WDR25: variants seen among roughly 807,000 people sequenced by gnomAD.
The protein encoded by WDR25 is WD repeat-containing protein 25.
In WDR25, 35 loss-of-function variants were observed where a neutral mutation model predicts 47.7. The observed-to-expected ratio is 0.73, with a 90% CI of 0.56 to 0.97. The LOEUF (loss-of-function observed/expected upper bound fraction) is 0.97. Ranked by LOEUF, WDR25 falls within the 50% of genes least tolerant of loss-of-function variation. The pLI is 0.00. For missense variants in WDR25, 634 were observed against 704.7 expected (o/e 0.90, Z 1.14); for synonymous variants, 248 against 278.9 (o/e 0.89, Z 1.10).
At chr14:100,382,682 A>G (rs1039086364) in intron 2 of WDR25, among the ~76,000 whole-genome samples, 2 of 152,198 alleles carry the variant, frequency 1.3e-5, no homozygotes, top group African/African-American at 4.8e-5. Flanking sequence ...CTCTCCTCGC[A>G]GCTAGCAAAG....
chr14:100,479,796 G>T (rs1900139115), intron 3 of WDR25, among the ~76,000 whole-genome samples: 1 of 152,120 alleles, frequency 6.6e-6, no homozygotes, highest in South Asian at 2.1e-4. Flanking sequence ...CAGTGGGTGA[G>T]TGAACATTCC....
chr14:100,383,448 C>G (rs1896950944), intron 2 of WDR25, among the ~76,000 whole-genome samples: 1 of 152,228 alleles, frequency 6.6e-6, no homozygotes, highest in Non-Finnish European at 1.5e-5. Flanking sequence ...TGGGCAGTGT[C>G]TGACTGGCCC....
chr14:100,457,549 A>G lies in WDR25; in HGVS notation c.823-10472A>G, dbSNP rs75408795. The stretch of plus-strand genomic sequence containing the variant: ...ATTTCGCCGTCAGCAAACTTGCGCT[A>G]TAAGACATGTTAATAAAGGGAGTCC... On this transcript the variant is annotated intron_variant, in intron 2 of 6. Coordinates refer to ENST00000402312, the MANE Select transcript of WDR25 (RefSeq NM_001161476.3). Among the ~76,000 whole-genome samples, 69 of 152,360 alleles carry G rather than the reference A, an allele frequency of 4.5e-4. 2 individuals are homozygous for G. In the East Asian group the frequency reaches 0.013, roughly 29 times the overall value.
intron 4 of WDR25, among the ~76,000 whole-genome samples, chr14:100,516,572 TG>T (rs1417038402): frequency 6.6e-6 from 1 of 152,208 alleles, no homozygotes; most frequent in Non-Finnish European, 1.5e-5. Flanking sequence ...TATTTAAGGT[TG>T]TTATGTCTGC....
chr14:100,417,842 G>T (rs1043005028), intron 2 of WDR25, among the ~76,000 whole-genome samples: 4 of 152,156 alleles, frequency 2.6e-5, no homozygotes, highest in Non-Finnish European at 1.5e-5. Flanking sequence ...TTGTGGACAG[G>T]CGTGTCATGC....
intron 2 of WDR25, among the ~76,000 whole-genome samples, chr14:100,397,132 C>G (rs1420453032): frequency 1.3e-5 from 2 of 152,204 alleles, no homozygotes; most frequent in Admixed American, 6.5e-5. Context: ...AAACACTTAA[C>G]GAGTTCAAAG....
intron 5 of WDR25, among the ~76,000 whole-genome samples, chr14:100,526,498 C>T (rs538729239): frequency 2.6e-5 from 4 of 152,210 alleles, no homozygotes; most frequent in African/African-American, 9.6e-5. Context: ...AGGCGGAGAG[C>T]CTTGGGCCTG....
chr14:100,450,884 C>T (rs1899007976), intron 2 of WDR25, among the ~76,000 whole-genome samples: 1 of 152,110 alleles, frequency 6.6e-6, no homozygotes, highest in Admixed American at 6.5e-5. Flanking sequence ...CATGCAACCC[C>T]AAAAGCACTT....
At chr14:100,435,573 C>A (rs1280015316) in intron 2 of WDR25, among the ~76,000 whole-genome samples, 1 of 152,144 alleles carries the variant, frequency 6.6e-6, no homozygotes, top group Non-Finnish European at 1.5e-5. Context: ...TGGAGAGAGC[C>A]CTGGCCTGGC....
chr14:100,389,168 A>G (rs1302332325), intron 2 of WDR25, among the ~76,000 whole-genome samples: 1 of 152,210 alleles, frequency 6.6e-6, no homozygotes, highest in East Asian at 1.9e-4. Flanking sequence ...TTTGGGAAAA[A>G]ATGCAAGAAA....
chr14:100,441,962 C>G (rs1192664718), intron 2 of WDR25, among the ~76,000 whole-genome samples: 1 of 152,164 alleles, frequency 6.6e-6, no homozygotes, highest in Non-Finnish European at 1.5e-5. Flanking sequence ...AGCAGTTGCT[C>G]AGGGTCACAC....
At chr14:100,456,799 G>C (rs538588453) in intron 2 of WDR25, among the ~76,000 whole-genome samples, 17 of 152,088 alleles carry the variant, frequency 1.1e-4, no homozygotes, top group South Asian at 8.3e-4. Flanking sequence ...CTCAAAGAAG[G>C]GTAGAACAGA....
intron 2 of WDR25, among the ~76,000 whole-genome samples, chr14:100,393,715 G>A (rs1027599457): frequency 6.6e-6 from 1 of 152,192 alleles, no homozygotes; most frequent in African/African-American, 2.4e-5. Flanking sequence ...GCCTGGAGGG[G>A]TGTAGTGCAG....
chr14:100,420,500 T>A (rs1235793838), intron 2 of WDR25, among the ~76,000 whole-genome samples: 3 of 152,210 alleles, frequency 2.0e-5, no homozygotes, highest in African/African-American at 7.2e-5. Flanking sequence ...TTTATTGTTG[T>A]TTTATAGGCA....
chr14:100,408,972 T>G (rs1897627597), intron 2 of WDR25, among the ~76,000 whole-genome samples: 1 of 152,222 alleles, frequency 6.6e-6, no homozygotes, highest in African/African-American at 2.4e-5. Flanking sequence ...AAAGGAGATG[T>G]GGAGCGCTAG....
intron 2 of WDR25, among the ~76,000 whole-genome samples, chr14:100,429,494 A>G (rs565931657): frequency 6.6e-6 from 1 of 152,272 alleles, no homozygotes; most frequent in Admixed American, 6.5e-5. Context: ...CCAAGACCCC[A>G]GTGGCTGGGG....
intron 2 of WDR25, among the ~76,000 whole-genome samples, chr14:100,393,767 G>T (rs139415920): frequency 1.8e-4 from 28 of 152,188 alleles, no homozygotes; most frequent in South Asian, 4.1e-4. Context: ...GTAGATGCAG[G>T]CATTGGGTCA....
intron 2 of WDR25, among the ~76,000 whole-genome samples, chr14:100,467,555 G>A (rs776373602): frequency 1.3e-5 from 2 of 152,186 alleles, no homozygotes; most frequent in Non-Finnish European, 2.9e-5. Flanking sequence ...GGGCAGTGGT[G>A]CAATCGTGAT....
At position 100,500,437 on chromosome 14, in the gene WDR25, G is replaced by A. The variant is rs572223375; in HGVS notation, c.1101+16313G>A. 2.0e-4 allele frequency among the ~76,000 whole-genome samples: 31 copies of A among 152,208 alleles called. No individual in the cohort carries two copies. The highest frequency in any genetic ancestry group is 3.8e-4 in the Non-Finnish European group (26 of 68,030). Reference sequence around the variant, plus strand: ...AAGGAGGGGTGGGGATGGTCAGATGGAGGCATGCCGGGCACGGGGCATTCT... The same window carrying A: ...AAGGAGGGGTGGGGATGGTCAGATGAAGGCATGCCGGGCACGGGGCATTCT... On this transcript the variant is annotated intron_variant, in intron 4 of 6. Transcript: ENST00000402312. The surrounding 1 kb of genome is among the most constrained non-coding windows in gnomAD (Gnocchi z 4.7).
Sources: allele counts gnomAD v4.1 joint callset (sites outside exome capture counted in the v4.1 genomes callset), GRCh38; gene constraint gnomAD v4.1.1; non-coding constraint Gnocchi (gnomAD v3.1); transcripts MANE v1.5; gene names NCBI Gene and HGNC (gene_info 2026-07-23, HGNC 2026-07-21).